ADAMTS18: variants seen among roughly 807,000 people sequenced by gnomAD.
ADAMTS18 encodes ADAM metallopeptidase with thrombospondin type 1 motif 18, also known as A disintegrin and metalloproteinase with thrombospondin motifs 18.
A neutral mutation model predicts 165.9 loss-of-function variants in ADAMTS18; 157 were observed. The observed-to-expected ratio is 0.95, with a 90% CI of 0.83 to 1.08. ADAMTS18 has a LOEUF of 1.08. Among genes scored for constraint, ADAMTS18 ranks in the 50% least tolerant of loss-of-function variants. ADAMTS18 has a pLI of 0.00. For synonymous variants in ADAMTS18, 782 were observed against 578.2 expected, an observed-to-expected ratio of 1.35 and a Z score of -5.06; for missense variants, 2,040 against 1,534.0, an observed-to-expected ratio of 1.33 and a Z score of -5.51.
intron 3 of ADAMTS18, among the ~76,000 whole-genome samples, chr16:77,427,455 A>C (rs16945685): frequency 0.014 from 2,200 of 152,288 alleles, 53 homozygotes; most frequent in African/African-American, 0.05. Flanking sequence ...CTTTCTCATC[A>C]CTGTGCTAGT....
At chr16:77,432,224 C>T (rs1042500020) in intron 2 of ADAMTS18, among the ~76,000 whole-genome samples, 2 of 152,270 alleles carry the variant, frequency 1.3e-5, no homozygotes, top group South Asian at 2.1e-4. Flanking sequence ...TTGTATCACC[C>T]TTAGCATTTT....
intron 3 of ADAMTS18, among the ~76,000 whole-genome samples, chr16:77,389,603 G>A (rs996394486): frequency 7.2e-5 from 11 of 152,178 alleles, no homozygotes; most frequent in Non-Finnish European, 1.2e-4. Flanking sequence ...TAGCTGCACC[G>A]ACATCACAAG....
At chr16:77,411,837 C>T (rs1238344257) in intron 3 of ADAMTS18, among the ~76,000 whole-genome samples, 1 of 151,702 alleles carries the variant, frequency 6.6e-6, no homozygotes, top group Non-Finnish European at 1.5e-5. Context: ...TAGGTGCCCA[C>T]CACCAAGCCC....
intron 3 of ADAMTS18, among the ~76,000 whole-genome samples, chr16:77,394,874 C>G (rs772064087): frequency 3.3e-5 from 5 of 152,162 alleles, no homozygotes; most frequent in African/African-American, 4.8e-5. Flanking sequence ...GCCAACTGGG[C>G]CATCCTCACT....
At chr16:77,382,696 A>G (rs953680790) in intron 3 of ADAMTS18, among the ~76,000 whole-genome samples, 1 of 152,218 alleles carries the variant, frequency 6.6e-6, no homozygotes, top group Non-Finnish European at 1.5e-5. Flanking sequence ...TATCATTTGG[A>G]AAACACATGA....
chr16:77,374,293 A>G (rs2056919273), intron 3 of ADAMTS18, among the ~76,000 whole-genome samples: 1 of 152,276 alleles, frequency 6.6e-6, no homozygotes, highest in Non-Finnish European at 1.5e-5. Context: ...AGGCATGCCA[A>G]TATCAGAGAA....
At chr16:77,411,600 C>G (rs1316989436) in intron 3 of ADAMTS18, among the ~76,000 whole-genome samples, 1 of 149,526 alleles carries the variant, frequency 6.7e-6, no homozygotes, top group Non-Finnish European at 1.5e-5. Flanking sequence ...GCAAAGTCAA[C>G]TTTACCATTG....
chr16:77,382,243 C>G (rs930535676), intron 3 of ADAMTS18, among the ~76,000 whole-genome samples: 1 of 152,176 alleles, frequency 6.6e-6, no homozygotes, highest in Non-Finnish European at 1.5e-5. Context: ...GACAGAGTCG[C>G]TCTGTTGCCC....
At chr16:77,419,877 T>C (rs1047797464) in intron 3 of ADAMTS18, among the ~76,000 whole-genome samples, 1 of 151,646 alleles carries the variant, frequency 6.6e-6, no homozygotes, top group South Asian at 2.1e-4. Context: ...GTGGCGCCTG[T>C]AATCCCAGCT....
intron 22 of ADAMTS18, among the ~76,000 whole-genome samples, chr16:77,286,926 C>G (rs1369564783): frequency 6.6e-6 from 1 of 152,086 alleles, no homozygotes; most frequent in Admixed American, 6.6e-5. Context: ...AGGTGGAGAT[C>G]CAACCAAGAT....
chr16:77,377,258 A>G (rs1425518148), intron 3 of ADAMTS18, among the ~76,000 whole-genome samples: 5 of 152,216 alleles, frequency 3.3e-5, no homozygotes, highest in African/African-American at 1.2e-4. Flanking sequence ...AGAAAAAGGG[A>G]GACTGCAGCC....
intron 16 of ADAMTS18, among the ~76,000 whole-genome samples, 180 bp from the exon 17 acceptor site, chr16:77,300,584 T>C (rs1018703419): frequency 3.9e-5 from 6 of 152,196 alleles, no homozygotes; most frequent in Non-Finnish European, 7.3e-5. Flanking sequence ...CTTTAAAATG[T>C]GTCCCTTCAT....
chr16:77,338,978 G>T (rs8048640), intron 11 of ADAMTS18, among the ~76,000 whole-genome samples: 9,520 of 149,640 alleles, frequency 0.064, 725 homozygotes, highest in African/African-American at 0.18. Flanking sequence ...AAAAGTAAGT[G>T]ACTTTCATAC....
intron 3 of ADAMTS18, among the ~76,000 whole-genome samples, chr16:77,396,599 G>T (rs1314553367): frequency 6.6e-6 from 1 of 152,172 alleles, no homozygotes; most frequent in Non-Finnish European, 1.5e-5. Context: ...GTTGAAGCTG[G>T]TCAAGAGAAA....
intron 3 of ADAMTS18, among the ~76,000 whole-genome samples, chr16:77,383,126 G>C (rs1185981630): frequency 5.9e-5 from 9 of 152,230 alleles, no homozygotes; most frequent in African/African-American, 1.2e-4. Context: ...TCTCATTCCA[G>C]TCTGGTCATG....
At chr16:77,423,496 T>A (rs1260360113) in intron 3 of ADAMTS18, among the ~76,000 whole-genome samples, 6 of 152,168 alleles carry the variant, frequency 3.9e-5, no homozygotes, top group African/African-American at 1.4e-4. Context: ...ATAGAATATT[T>A]TTCTTTCAAT....
At chr16:77,422,264 A>G (rs1434782349) in intron 3 of ADAMTS18, among the ~76,000 whole-genome samples, 3 of 152,028 alleles carry the variant, frequency 2.0e-5, no homozygotes, top group Admixed American at 6.6e-5. Flanking sequence ...AGCCCCACAT[A>G]CTTCTTCTCA....
chr16:77,356,421 G>C (rs2056631107), intron 8 of ADAMTS18, among the ~76,000 whole-genome samples: 1 of 152,118 alleles, frequency 6.6e-6, no homozygotes, highest in Non-Finnish European at 1.5e-5. Flanking sequence ...TCAAACAGTA[G>C]AATTCTTATC....
chr16:77,423,294 G>A (rs562030795), intron 3 of ADAMTS18, among the ~76,000 whole-genome samples: 4 of 152,066 alleles, frequency 2.6e-5, no homozygotes, highest in Non-Finnish European at 5.9e-5. Flanking sequence ...TTTTATCTAG[G>A]CTGAAACTCT....
Sources: gnomAD v4.1 joint callset for allele counts (sites outside exome capture counted in the v4.1 genomes callset) on GRCh38, gnomAD v4.1.1 for gene constraint, MANE v1.5 for transcripts, NCBI Gene and HGNC (gene_info 2026-07-23, HGNC 2026-07-21) for gene names.